FMNL2: variants seen among roughly 807,000 people sequenced by gnomAD.
The protein encoded by FMNL2 is formin-like protein 2.
Under a neutral mutation model 130.2 loss-of-function variants are expected in FMNL2, and 51 were observed. That is an observed-to-expected ratio of 0.39 (90% CI 0.31 to 0.49). The LOEUF is 0.49. Ranked by LOEUF, FMNL2 falls within the 20% of genes least tolerant of loss-of-function variation. FMNL2 has a pLI of 0.85. For synonymous variants in FMNL2, 465 were observed against 467.1 expected, an observed-to-expected ratio of 1.00 and a Z score of 0.06; for missense variants, 977 against 1,316.2, an observed-to-expected ratio of 0.74 and a Z score of 3.99.
intron 1 of FMNL2, among the ~76,000 whole-genome samples, chr2:152,439,029 A>G (rs1687917427): frequency 6.6e-6 from 1 of 151,904 alleles, no homozygotes; most frequent in South Asian, 2.1e-4. Context: ...TAGAAATAAA[A>G]GGCATTCAGA....
chr2:152,645,585 C>T, intron 25 of FMNL2: 1 of 1,090,258 alleles, frequency 9.2e-7, no homozygotes. Flanking sequence ...CAATGGTTTT[C>T]AATCTATGGC....
Position 152,619,072 on chromosome 2 carries a change from T to C in FMNL2, c.1541T>C (p.Val514Ala), listed in dbSNP as rs374464644. 3 of 1,613,540 alleles carry C rather than the reference T, an allele frequency of 1.9e-6. No homozygotes were observed. ...MGSEVVAGNS[V>A]GPTMGAASSG... ...TCAGAAGTGGTAGCAGGTAACTCTG[T>C]GGGACCCACAATGGGGGCCGCTTCC... Residue 514 changes from valine to alanine, a missense_variant, in exon 14 of 26, where the codon GTG becomes GCG. Physicochemically the swap from Val to Ala is moderately conservative, Grantham distance 64. This residue lies in a region of FMNL2 where 689 missense variants were observed against 995.9 expected (regional missense o/e 0.69). Transcript: ENST00000288670.
intron 4 of FMNL2, among the ~76,000 whole-genome samples, chr2:152,553,720 TATAAA>T (rs1260134534): frequency 4.6e-5 from 7 of 151,508 alleles, no homozygotes; most frequent in African/African-American, 1.7e-4. Context: ...TTTAAATACA[TATAAA>T]ATAAATGTTA....
At chr2:152,646,163 A>AC (rs1242736916) in intron 25 of FMNL2, among the ~76,000 whole-genome samples, 81 of 142,290 alleles carry the variant, frequency 5.7e-4, no homozygotes, top group African/African-American at 1.9e-3. Context: ...TCTACAAAAA[A>AC]AAAAAAACAA....
rs564342765 is a variant in FMNL2 at position 152,451,625 on chromosome 2, C to T, written c.118-70318C>T. 2.0e-5 allele frequency among the ~76,000 whole-genome samples: 3 copies of T among 152,136 alleles called. No individual in the cohort carries two copies. The East Asian group carries it at 5.8e-4, about 29-fold the overall frequency. ...GAGGCACAGAGATAAACCACCTTGC[C>T]CAGGGTTCTATAGTCAGTCAGTGGC... On this transcript the variant is annotated intron_variant, in intron 1 of 25. Coordinates refer to ENST00000288670, the MANE Select transcript of FMNL2 (RefSeq NM_052905.4).
At chr2:152,345,744 A>G (rs1364421058) in intron 1 of FMNL2, among the ~76,000 whole-genome samples, 1 of 152,204 alleles carries the variant, frequency 6.6e-6, no homozygotes, top group Non-Finnish European at 1.5e-5. Context: ...CCAGGGCCTT[A>G]CCATAAAGTC....
intron 1 of FMNL2, among the ~76,000 whole-genome samples, chr2:152,514,552 G>A (rs753182070): frequency 7.2e-5 from 11 of 152,028 alleles, no homozygotes; most frequent in South Asian, 2.1e-4. Context: ...TCCCATATCC[G>A]TGGGGGATAC....
chr2:152,399,750 G>A (rs766149666), intron 1 of FMNL2, among the ~76,000 whole-genome samples: 1 of 152,146 alleles, frequency 6.6e-6, no homozygotes, highest in African/African-American at 2.4e-5. Context: ...CAATCGATTC[G>A]ATTGAGAGGC....
At chr2:152,339,970 C>T (rs1439400192) in intron 1 of FMNL2, among the ~76,000 whole-genome samples, 1 of 151,880 alleles carries the variant, frequency 6.6e-6, no homozygotes, top group Admixed American at 6.6e-5. Context: ...CACTTGAGCC[C>T]AGGAATTCGA....
intron 1 of FMNL2, among the ~76,000 whole-genome samples, chr2:152,355,592 A>T (rs1206945553): frequency 6.6e-6 from 1 of 152,212 alleles, no homozygotes; most frequent in Non-Finnish European, 1.5e-5. Context: ...GGAGCAGCAG[A>T]TATGCAGGGT....
intron 2 of FMNL2, among the ~76,000 whole-genome samples, chr2:152,524,735 C>T (rs1252496758): frequency 6.6e-6 from 1 of 152,044 alleles, no homozygotes; most frequent in African/African-American, 2.4e-5. Flanking sequence ...TGGTGCAGAC[C>T]CTGTGCTGCA....
chr2:152,636,600 G>T lies in FMNL2; in HGVS notation c.2844+10G>T. On this transcript the variant is annotated intron_variant, in intron 22 of 25. Transcript: ENST00000288670. ...TGCCAAGATCGCACAGGCAAGTATT[G>T]GTGCCCCTGAAACCTGTGAAGAGGC... 6.4e-7 allele frequency: 1 copy of T among 1,553,488 alleles called. No homozygotes were observed. Among genetic ancestry groups the T allele is most frequent in the Non-Finnish European group, 8.7e-7 (1 of 1,148,280 alleles).
intron 12 of FMNL2, among the ~76,000 whole-genome samples, chr2:152,616,303 T>C (rs942716653): frequency 6.6e-6 from 1 of 151,236 alleles, no homozygotes; most frequent in African/African-American, 2.4e-5. Flanking sequence ...CAAATAACTT[T>C]TATTATTATT....
chr2:152,533,879 A>C (rs1025599138), intron 2 of FMNL2, among the ~76,000 whole-genome samples: 1 of 152,108 alleles, frequency 6.6e-6, no homozygotes, highest in African/African-American at 2.4e-5. Context: ...TAAGGGATAT[A>C]TTTTTAAAAT....
chr2:152,394,111 A>AT (rs954869293), intron 1 of FMNL2, among the ~76,000 whole-genome samples: 14 of 152,194 alleles, frequency 9.2e-5, no homozygotes, highest in African/African-American at 3.4e-4. Flanking sequence ...TTTTAGATAA[A>AT]TTTTTTAGGC....
chr2:152,580,302 G>T (rs1696712739), intron 8 of FMNL2, among the ~76,000 whole-genome samples: 1 of 152,196 alleles, frequency 6.6e-6, no homozygotes, highest in African/African-American at 2.4e-5. Flanking sequence ...AACTTAGAGT[G>T]TATCTCCATG....
intron 1 of FMNL2, among the ~76,000 whole-genome samples, chr2:152,460,536 A>G (rs1689179517): frequency 6.6e-6 from 1 of 152,194 alleles, no homozygotes; most frequent in Non-Finnish European, 1.5e-5. Flanking sequence ...TTTCTTTCCC[A>G]CAACTGCCCT....
rs539896493 is a variant in FMNL2, at chr2:152,572,794, G to GTTT, written c.597-2329_597-2327dup. ...TGCGTTGGAGCTGAATTCAAAACCT[G>GTTT]TTTTTTTTTTTTTTTAAAGTAGTCA... is the stretch of plus-strand genomic sequence containing the variant. On this transcript the variant is annotated intron_variant, in intron 6 of 25. Coordinates refer to ENST00000288670, the MANE Select transcript of FMNL2 (RefSeq NM_052905.4). Among the ~76,000 whole-genome samples, 338 of 138,122 alleles carry GTTT rather than the reference G, an allele frequency of 2.4e-3. 10 individuals carry two copies. The East Asian group carries it at 0.061, about 25-fold the overall frequency. The allele number at this position is 138,122 out of a possible 152,430, so 90.6% of individuals were successfully genotyped here. A position where few individuals can be genotyped will look rare whatever the true frequency, so the allele number is the denominator to read the frequency against.
intron 25 of FMNL2, 62 bp downstream of exon 25, chr2:152,640,976 G>A (rs2105968394): frequency 6.3e-7 from 1 of 1,598,452 alleles, no homozygotes; most frequent in East Asian, 2.2e-5. Context: ...AGACTGGGAT[G>A]CATGCAGATT....
Sources: allele counts gnomAD v4.1 joint callset (sites outside exome capture counted in the v4.1 genomes callset), GRCh38; gene constraint gnomAD v4.1.1; regional missense constraint gnomAD v4.1.1; transcripts MANE v1.5; gene names NCBI Gene and HGNC (gene_info 2026-07-23, HGNC 2026-07-21).